The following MYH15 variants were observed in gnomAD, a reference collection of about 807,000 sequenced individuals.
MYH15 encodes myosin heavy chain 15.
MYH15 carries 227 observed loss-of-function variants against 240.5 expected under a neutral mutation model. The observed-to-expected ratio is 0.94, with a 90% CI of 0.85 to 1.05. MYH15 has a LOEUF of 1.05. Ranked by LOEUF, MYH15 falls within the 50% of genes least tolerant of loss-of-function variation. The probability of loss-of-function intolerance (pLI) is 0.00; values close to 1 mark genes in which losing one functional copy is unlikely to be tolerated. For missense variants in MYH15, 2,217 were observed against 2,247.5 expected, an observed-to-expected ratio of 0.99 and a Z score of 0.27; for synonymous variants, 785 against 796.7, an observed-to-expected ratio of 0.99 and a Z score of 0.25.
intron 16 of MYH15, among the ~76,000 whole-genome samples, chr3:108,460,963 T>C (rs1426953871): frequency 6.6e-6 from 1 of 152,218 alleles, no homozygotes; most frequent in Admixed American, 6.5e-5. Flanking sequence ...TTTTTCTATA[T>C]TGTCTGTGTT....
chr3:108,444,003 T>TGGAG (rs1553767646), intron 22 of MYH15, among the ~76,000 whole-genome samples: 3 of 74,476 alleles, frequency 4.0e-5, no homozygotes, highest in African/African-American at 1.7e-4. Context: ...TGTTGTGGGG[T>TGGAG]GGGGGAGGGG....
intron 25 of MYH15, 50 bp from the exon 26 acceptor site, chr3:108,430,972 G>C: frequency 1.6e-6 from 2 of 1,263,704 alleles, no homozygotes; most frequent in Non-Finnish European, 2.3e-6. Flanking sequence ...ATAACATTTT[G>C]TTTAAAGTAG....
At chr3:108,393,486 C>T (rs1432837019) in intron 36 of MYH15, among the ~76,000 whole-genome samples, 1 of 152,194 alleles carries the variant, frequency 6.6e-6, no homozygotes, top group Non-Finnish European at 1.5e-5. Context: ...AGCTGGCAGC[C>T]AACTCTGAGC....
chr3:108,493,193 A>G lies in MYH15; in HGVS notation c.712-16T>C. 1 of 1,612,026 alleles carries G rather than the reference A, an allele frequency of 6.2e-7. No homozygotes were observed. The highest frequency in any genetic ancestry group is 8.5e-7 in the Non-Finnish European group (1 of 1,178,126). ...TGAATTTGCCCTAGTGTGGACACAG[A>G]ACACAGTCAGACACAAAACACAGTT... is the stretch of plus-strand genomic sequence containing the variant. On this transcript the variant is annotated splice_polypyrimidine_tract_variant and intron_variant, in intron 7 of 40. Transcript: ENST00000693548.
upstream of MYH15, among the ~76,000 whole-genome samples, chr3:108,531,691 G>T (rs2107281283): frequency 6.6e-6 from 1 of 151,980 alleles, no homozygotes; most frequent in South Asian, 2.1e-4. Context: ...GCAGAAGAAT[G>T]GTGTGAACCC....
intron 27 of MYH15, among the ~76,000 whole-genome samples, chr3:108,424,723 A>G (rs555427553): frequency 2.0e-5 from 3 of 152,384 alleles, no homozygotes; most frequent in African/African-American, 7.2e-5. Context: ...TGCCATTATA[A>G]TTCATAAAAT....
intron 37 of MYH15, among the ~76,000 whole-genome samples, chr3:108,391,232 T>C (rs373852791): frequency 2.6e-5 from 4 of 152,202 alleles, no homozygotes; most frequent in Non-Finnish European, 4.4e-5. Context: ...TTCAATAATT[T>C]TACAAATCTT....
intron 25 of MYH15, among the ~76,000 whole-genome samples, chr3:108,434,741 A>C (rs2082816996): frequency 2.6e-5 from 4 of 152,162 alleles, no homozygotes. Context: ...TGCCCCTTGT[A>C]TACATGAGAG....
Position 108,410,904 on chromosome 3 carries a change from C to A in MYH15, c.4174G>T (p.Ala1392Ser). 6.2e-7 allele frequency: 1 copy of A among 1,604,104 alleles called. No homozygotes were observed. The highest frequency in any genetic ancestry group is 8.5e-7 in the Non-Finnish European group (1 of 1,172,140). Reference sequence around the variant, plus strand: ...TTGGCCACCCCCATGGCTTCGGCTGCCTCCTGCAATCTAATTGCCAGTTCC... The same window carrying A: ...TTGGCCACCCCCATGGCTTCGGCTGACTCCTGCAATCTAATTGCCAGTTCC... Reference protein sequence around the residue: ...KKELAIRLQEAAEAMGVANAR... With the variant: ...KKELAIRLQESAEAMGVANAR... The change falls in exon 31 of 41, where the codon GCA (alanine) becomes TCA (serine). Residue 1392 changes from alanine (A) to serine (S), a missense_variant. Physicochemically the swap from Ala to Ser is moderately conservative, Grantham distance 99 (BLOSUM62 1). Coordinates refer to ENST00000693548, the MANE Select transcript of MYH15 (RefSeq NM_014981.3).
chr3:108,501,850 C>T lies in MYH15; in HGVS notation c.201G>A (p.Leu67=), dbSNP rs763429445. Residue 67 remains leucine, a synonymous_variant, in exon 3 of 41, where the codon CTG becomes CTA. Transcript: ENST00000693548. ...GCTGGATTTTGTCCTCCTTTATGCTCAGACTCTGCAGAGAGAAGAAAAATA... is the reference window on the plus strand; with the variant it reads ...GCTGGATTTTGTCCTCCTTTATGCTTAGACTCTGCAGAGAGAAGAAAAATA... ...VIVETADGES[L]SIKEDKIQQM... The T allele has an allele frequency of 6.2e-7, 1 of 1,613,798 alleles. No individual in the cohort carries two copies. The highest frequency in any genetic ancestry group is 8.5e-7 in the Non-Finnish European group (1 of 1,179,740).
chr3:108,546,016 A>G, the MYH15 span, among the ~76,000 whole-genome samples: 1 of 152,132 alleles, frequency 6.6e-6, no homozygotes, highest in Non-Finnish European at 1.5e-5. Context: ...TGTGTTCCAT[A>G]ACAACACATA....
Position 108,444,759 on chromosome 3 carries a change from C to T in MYH15, c.2536G>A (p.Glu846Lys), listed in dbSNP as rs1384670877. 3 of 1,613,972 alleles carry T rather than the reference C, an allele frequency of 1.9e-6. No individual in the cohort carries two copies. The South Asian group carries it at 3.3e-5, about 18-fold the overall frequency. The part of the protein sequence containing the change: ...EVGEEVAGLK[E>K]ECAQLQKALE... ...GCTTTCTGTAATTGTGCACACTCTT[C>T]CTTCAGTCCAGCTACTTCTTCTCCT... Residue 846 changes from glutamate to lysine, a missense_variant, in exon 22 of 41, where the codon GAA becomes AAA. Transcript: ENST00000693548.
chr3:108,533,808 G>A (rs1307459255), upstream of MYH15, among the ~76,000 whole-genome samples: 3 of 152,140 alleles, frequency 2.0e-5, no homozygotes, highest in East Asian at 5.8e-4. Context: ...ATGGAATCTG[G>A]ACATACAACT....
At chr3:108,445,481 GAATGATACACA>G (rs1156505497) in intron 21 of MYH15, among the ~76,000 whole-genome samples, 4 of 151,706 alleles carry the variant, frequency 2.6e-5, no homozygotes, top group Non-Finnish European at 5.9e-5. Flanking sequence ...TATACTGCCT[GAATGATACACA>G]AATATCCAAG....
intron 38 of MYH15, among the ~76,000 whole-genome samples, chr3:108,386,667 C>T (rs1010654264): frequency 2.6e-5 from 4 of 151,862 alleles, no homozygotes; most frequent in African/African-American, 9.7e-5. Flanking sequence ...CCCCATCCTG[C>T]TTGCTTGCAT....
chr3:108,414,473 C>A lies in MYH15; in HGVS notation c.3949-45G>T, dbSNP rs559144215. ...ACAAAAAGGTCATGACCACCATGAG[C>A]AACACAAGTCTTGAAAGTAAGCTAA... is the stretch of plus-strand genomic sequence containing the variant. On this transcript the variant is annotated intron_variant, in intron 29 of 40. Coordinates refer to ENST00000693548, the MANE Select transcript of MYH15 (RefSeq NM_014981.3). 1.1e-4 allele frequency: 161 copies of A among 1,521,426 alleles called. No homozygotes were observed. The South Asian group carries it at 1.9e-3, about 18-fold the overall frequency. The allele number at this position is 1,521,426 out of a possible 1,614,324, so 94.2% of individuals were successfully genotyped here. A position where few individuals can be genotyped will look rare whatever the true frequency, so the allele number is the denominator to read the frequency against.
chr3:108,543,733 G>A, the MYH15 span: 1 of 152,316 alleles, frequency 6.6e-6, no homozygotes, highest in Non-Finnish European at 1.5e-5. Context: ...TCCAGATGCA[G>A]GATGATAGGC....
chr3:108,449,380 A>C (rs893075926), intron 21 of MYH15, among the ~76,000 whole-genome samples: 6 of 152,110 alleles, frequency 3.9e-5, no homozygotes, highest in African/African-American at 1.4e-4. Flanking sequence ...TATTAGCATA[A>C]AAACAAACAT....
chr3:108,496,618 CAAT>C (rs1037381623), intron 6 of MYH15, among the ~76,000 whole-genome samples: 1 of 151,934 alleles, frequency 6.6e-6, no homozygotes, highest in Non-Finnish European at 1.5e-5. Flanking sequence ...ATACTGTACT[CAAT>C]AATTTATGGA....
Sources: gnomAD v4.1 joint callset for allele counts (sites outside exome capture counted in the v4.1 genomes callset) on GRCh38, gnomAD v4.1.1 for gene constraint, MANE v1.5 for transcripts, NCBI Gene and HGNC (gene_info 2026-07-23, HGNC 2026-07-21) for gene names.